RYR2: variants seen among roughly 807,000 people sequenced by gnomAD.
RYR2 encodes the protein ryanodine receptor 2.
In RYR2, 227 loss-of-function variants were observed where a neutral mutation model predicts 601.1. The observed-to-expected ratio is 0.38, with a 90% CI of 0.34 to 0.42. The LOEUF (loss-of-function observed/expected upper bound fraction) is 0.42, where lower values mean the gene tolerates loss of function less well. RYR2 is among the 10% of genes least tolerant of loss of function. The pLI is 1.00. For missense variants in RYR2, 4,646 were observed against 6,156.5 expected, an observed-to-expected ratio of 0.75 and a Z score of 8.21; for synonymous variants, 2,223 against 2,175.1, an observed-to-expected ratio of 1.02 and a Z score of -0.61.
chr1:237,192,194 T>G (rs1232272607), intron 1 of RYR2, among the ~76,000 whole-genome samples: 1 of 152,072 alleles, frequency 6.6e-6, no homozygotes, highest in Non-Finnish European at 1.5e-5. Flanking sequence ...AAAAAACATT[T>G]TCTTATTTTT....
At chr1:237,469,258 CAA>C (rs66912945) in intron 17 of RYR2, 71 bp downstream of exon 17, 1,588 of 111,600 alleles carry the variant, frequency 0.014, no homozygotes, top group South Asian at 0.029. Context: ...TCCTTTAAGA[CAA>C]AAAAAAAAAA....
intron 2 of RYR2, among the ~76,000 whole-genome samples, chr1:237,285,395 A>G (rs569468771): frequency 6.6e-6 from 1 of 152,078 alleles, no homozygotes; most frequent in Non-Finnish European, 1.5e-5. Context: ...ATCATGGTAG[A>G]TTATCTTTTT....
chr1:237,537,911 G>A (rs1029143790), intron 25 of RYR2, among the ~76,000 whole-genome samples: 1 of 152,134 alleles, frequency 6.6e-6, no homozygotes, highest in African/African-American at 2.4e-5. Context: ...GGATAAGGAG[G>A]GGATTGGAAT....
At chr1:237,416,761 C>CAGAGAGAGAG (rs572524939) in intron 10 of RYR2, among the ~76,000 whole-genome samples, 1 of 147,090 alleles carries the variant, frequency 6.8e-6, no homozygotes, top group African/African-American at 2.5e-5. Context: ...CACACACACA[C>CAGAGAGAGAG]ACAGAGAGAG....
chr1:237,642,389 A>G (rs539340216), intron 47 of RYR2, among the ~76,000 whole-genome samples: 1 of 152,292 alleles, frequency 6.6e-6, no homozygotes, highest in South Asian at 2.1e-4. Flanking sequence ...GGAAACAGAG[A>G]CTATTAAAAA....
At chr1:237,479,232 G>A (rs1037366045) in intron 17 of RYR2, among the ~76,000 whole-genome samples, 1 of 152,168 alleles carries the variant, frequency 6.6e-6, no homozygotes, top group African/African-American at 2.4e-5. Flanking sequence ...TTAAGTTGTT[G>A]TATTTCACCC....
At chr1:237,392,944 A>G (rs1033946827) in intron 10 of RYR2, among the ~76,000 whole-genome samples, 1 of 152,206 alleles carries the variant, frequency 6.6e-6, no homozygotes, top group African/African-American at 2.4e-5. Context: ...TTATTTTCTC[A>G]AGAAGTTTAC....
At chr1:237,548,386 T>G (rs766660932) in intron 25 of RYR2, 45 bp from the exon 26 acceptor site, 1 of 1,595,900 alleles carries the variant, frequency 6.3e-7, no homozygotes, top group Non-Finnish European at 8.6e-7. Context: ...GAGATTTTTA[T>G]GAAAAGGCCA....
intron 3 of RYR2, among the ~76,000 whole-genome samples, chr1:237,350,712 G>A (rs1698765116): frequency 7.2e-6 from 1 of 138,040 alleles, no homozygotes; most frequent in East Asian, 2.1e-4. Flanking sequence ...GTTAAAAAAA[G>A]TCAGTTTATA....
At chr1:237,355,266 T>C (rs921213384) in intron 3 of RYR2, among the ~76,000 whole-genome samples, 1 of 152,290 alleles carries the variant, frequency 6.6e-6, no homozygotes, top group East Asian at 1.9e-4. Flanking sequence ...AAATTTTTTA[T>C]TCTGATTTAT....
chr1:237,569,279 A>T lies in RYR2; in HGVS notation c.3558A>T (p.Ser1186=), dbSNP rs2148276127. 1.9e-6 allele frequency: 3 copies of T among 1,613,870 alleles called. No individual in the cohort carries two copies. The highest frequency in any genetic ancestry group is 2.5e-6 in the Non-Finnish European group (3 of 1,179,844). Residue 1186 remains serine (S), a synonymous_variant, in exon 29 of 105, where the codon TCA becomes TCT. Coordinates refer to ENST00000366574, the MANE Select transcript of RYR2 (RefSeq NM_001035.3). ...ATGGTGAAATCCTTCTTGATGATTC[A>T]GGCTCAGAACTGGCTTTCAAGGACT... is the stretch of plus-strand genomic sequence containing the variant. ...TLNGEILLDD[S]GSELAFKDFD...
At chr1:237,808,437 G>T in intron 99 of RYR2, among the ~76,000 whole-genome samples, 1 of 152,114 alleles carries the variant, frequency 6.6e-6, no homozygotes, top group East Asian at 1.9e-4. Flanking sequence ...GAGGCGGGCA[G>T]ATCGCCTGAG....
At chr1:237,276,946 T>A (rs959432243) in intron 2 of RYR2, among the ~76,000 whole-genome samples, 1 of 152,198 alleles carries the variant, frequency 6.6e-6, no homozygotes, top group African/African-American at 2.4e-5. Flanking sequence ...GTAATTTAAA[T>A]TTCAAAATTA....
intron 76 of RYR2, 144 bp from the exon 77 acceptor site, chr1:237,730,116 C>A: frequency 1.7e-6 from 1 of 576,138 alleles, no homozygotes. Flanking sequence ...GAAGCATTGT[C>A]TTTCAGGAGG....
intron 36 of RYR2, among the ~76,000 whole-genome samples, chr1:237,612,280 A>G (rs536553126): frequency 6.6e-6 from 1 of 152,270 alleles, no homozygotes; most frequent in Admixed American, 6.5e-5. Flanking sequence ...TAGGGCTAGG[A>G]GCGGAACAGG....
chr1:237,253,932 T>A (rs1297363995), intron 1 of RYR2, among the ~76,000 whole-genome samples: 1 of 152,180 alleles, frequency 6.6e-6, no homozygotes, highest in Non-Finnish European at 1.5e-5. Context: ...ATTACAGAGA[T>A]AAATTGGAGG....
intron 4 of RYR2, among the ~76,000 whole-genome samples, chr1:237,359,683 C>T (rs902596581): frequency 1.3e-5 from 2 of 152,090 alleles, no homozygotes; most frequent in African/African-American, 4.8e-5. Context: ...CCCTTCCTGC[C>T]TTCATCTCCT....
At chr1:237,248,298 C>CCA (rs1687108013) in intron 1 of RYR2, among the ~76,000 whole-genome samples, 1 of 112,372 alleles carries the variant, frequency 8.9e-6, no homozygotes, top group African/African-American at 3.6e-5. Flanking sequence ...CCCCCCCCCC[C>CCA]CAAAAATGAT....
chr1:237,800,830 A>G (rs1335144399), intron 97 of RYR2, among the ~76,000 whole-genome samples: 1 of 152,232 alleles, frequency 6.6e-6, no homozygotes, highest in Non-Finnish European at 1.5e-5. Flanking sequence ...ATATGTATTT[A>G]GACATTCAGT....
Sources: gnomAD v4.1 joint callset for allele counts (sites outside exome capture counted in the v4.1 genomes callset) on GRCh38, gnomAD v4.1.1 for gene constraint, MANE v1.5 for transcripts, NCBI Gene and HGNC (gene_info 2026-07-23, HGNC 2026-07-21) for gene names.